Variants in BTAF1 observed in about 807,000 individuals in gnomAD.
BTAF1 encodes the protein TATA-binding protein-associated factor 172.
BTAF1 carries 38 observed loss-of-function variants against 227.1 expected under a neutral mutation model. That is an observed-to-expected ratio of 0.17 (90% CI 0.13 to 0.22). The LOEUF (loss-of-function observed/expected upper bound fraction) is 0.22. Ranked by LOEUF, BTAF1 falls within the 10% of genes least tolerant of loss-of-function variation. The probability of loss-of-function intolerance (pLI) is 1.00; values close to 1 mark genes in which losing one functional copy is unlikely to be tolerated. For missense variants in BTAF1, 1,598 were observed against 2,204.0 expected, an observed-to-expected ratio of 0.73 and a Z score of 5.51; for synonymous variants, 742 against 751.9, an observed-to-expected ratio of 0.99 and a Z score of 0.21.
intron 13 of BTAF1, among the ~76,000 whole-genome samples, chr10:91,965,562 T>G (rs1846844385): frequency 6.6e-6 from 1 of 152,236 alleles, no homozygotes; most frequent in Non-Finnish European, 1.5e-5. Context: ...AAAATTCTAT[T>G]AATTCAATGT....
rs762576006 is a variant in BTAF1, at chr10:91,928,977, A to AT, written c.14+4895dup. ...AGATGCATACCACCATGCCTGGCTA[A>AT]TTTTTTTTGTATATTTTGTAGAAGT... On this transcript the variant is annotated intron_variant, in intron 1 of 37. Coordinates refer to ENST00000265990, the MANE Select transcript of BTAF1 (RefSeq NM_003972.3). Among the ~76,000 whole-genome samples the AT allele has an allele frequency of 7.2e-4, 109 of 151,842 alleles. 1 individual carries two copies. Among genetic ancestry groups the AT allele is most frequent in the Non-Finnish European group, 9.7e-4 (66 of 67,918 alleles).
In BTAF1 at chr10:92,029,963, A is replaced by G. The variant is rs1341881519; in HGVS notation, c.*1030A>G. ...GCAATAATAATTGGGCATGAGGCTG[A>G]TTACTCAATGGTGAGGGTAGGTATA... On this transcript the variant is annotated 3_prime_UTR_variant, in exon 38 of 38. Coordinates refer to ENST00000265990, the MANE Select transcript of BTAF1 (RefSeq NM_003972.3). 6.6e-6 allele frequency: 1 copy of G among 152,562 alleles called. No homozygotes were observed. Among genetic ancestry groups the G allele is most frequent in the Non-Finnish European group, 1.5e-5 (1 of 67,964 alleles). 9.5% of individuals were successfully genotyped at this position (152,562 alleles called of 1,614,324 possible). A position where few individuals can be genotyped will look rare whatever the true frequency, so the allele number is the denominator to read the frequency against.
chr10:91,995,473 A>C (rs1336983495), intron 23 of BTAF1, among the ~76,000 whole-genome samples: 1 of 151,834 alleles, frequency 6.6e-6, no homozygotes, highest in East Asian at 1.9e-4. Flanking sequence ...TCAGGAGTTC[A>C]AGACCAGCCT....
chr10:91,969,199 T>G (rs1847125521), intron 14 of BTAF1, among the ~76,000 whole-genome samples: 1 of 152,060 alleles, frequency 6.6e-6, no homozygotes, highest in African/African-American at 2.4e-5. Flanking sequence ...GCCCTTTTAT[T>G]CCTTATTAGG....
At chr10:91,962,492 A>G (rs781035844) in intron 11 of BTAF1, 46 bp from the exon 12 acceptor site, 2 of 1,359,840 alleles carry the variant, frequency 1.5e-6, no homozygotes, top group Non-Finnish European at 2.0e-6. Flanking sequence ...TAAGCACAGT[A>G]ACTGTAGAAT....
Position 91,982,593 on chromosome 10 carries a change from A to G in BTAF1, c.2055A>G (p.Leu685=), listed in dbSNP as rs761201923. The G allele has an allele frequency of 6.2e-7, 1 of 1,612,644 alleles. No individual in the cohort carries two copies. The highest frequency in any genetic ancestry group is 8.5e-7 in the Non-Finnish European group (1 of 1,179,366). ...TCCTTTTTCTCCCTCTTAGGTTGTT[A>G]GGAGCACTTTGTTGCTGTATTTGTG... The part of the protein sequence containing the change: ...MRARMMAAKL[L]GALCCCICDP... Residue 685 remains leucine (L), a synonymous_variant, in exon 18 of 38, where the codon TTA becomes TTG. Coordinates refer to ENST00000265990, the MANE Select transcript of BTAF1 (RefSeq NM_003972.3).
At chr10:91,955,852 T>A (rs1365274313) in intron 6 of BTAF1, among the ~76,000 whole-genome samples, 1 of 151,932 alleles carries the variant, frequency 6.6e-6, no homozygotes, top group Non-Finnish European at 1.5e-5. Context: ...ATAGAAAAAA[T>A]GGTTGGCCAA....
chr10:91,962,056 T>G (rs774564049), intron 11 of BTAF1, among the ~76,000 whole-genome samples: 2 of 152,242 alleles, frequency 1.3e-5, no homozygotes, highest in Non-Finnish European at 2.9e-5. Flanking sequence ...TTACTTAGGC[T>G]TCTATTGATG....
At chr10:91,944,207 T>C (rs1338031858) in intron 4 of BTAF1, among the ~76,000 whole-genome samples, 2 of 151,820 alleles carry the variant, frequency 1.3e-5, no homozygotes, top group Non-Finnish European at 2.9e-5. Context: ...GTAACCAGGA[T>C]TGGGAACTGC....
intron 21 of BTAF1, 45 bp downstream of exon 21, chr10:91,992,354 A>C (rs1225166259): frequency 6.8e-7 from 1 of 1,477,642 alleles, no homozygotes; most frequent in Admixed American, 2.2e-5. Context: ...TTTTAAACAA[A>C]TATCTGACTT....
At chr10:91,982,527 G>C in intron 17 of BTAF1, 60 bp from the exon 18 acceptor site, 1 of 1,515,742 alleles carries the variant, frequency 6.6e-7, no homozygotes. Flanking sequence ...ATTTCCCGAA[G>C]TATGGGGAAA....
intron 37 of BTAF1, 89 bp from the exon 38 acceptor site, chr10:92,028,701 T>C (rs1197526019): frequency 7.8e-7 from 1 of 1,280,728 alleles, no homozygotes; most frequent in African/African-American, 1.5e-5. Flanking sequence ...AATAATTGTA[T>C]TAGAAACAAG....
In BTAF1 at chr10:91,964,213, T is replaced by C. The variant is rs1358363712; in HGVS notation, c.1529+12T>C. 1 of 1,609,222 alleles carries C rather than the reference T, an allele frequency of 6.2e-7. No individual in the cohort carries two copies. The highest frequency in any genetic ancestry group is 1.3e-5 in the African/African-American group (1 of 74,700). On this transcript the variant is annotated intron_variant, in intron 13 of 37. Transcript: ENST00000265990. ...GTCCAACAATGCAGGTAATTATTTCTAATTAGTGGAATAAAGTAAAAAGTC... is the reference window on the plus strand; with the variant it reads ...GTCCAACAATGCAGGTAATTATTTCCAATTAGTGGAATAAAGTAAAAAGTC...
chr10:91,938,830 A>G (rs1844803066), intron 2 of BTAF1, among the ~76,000 whole-genome samples: 1 of 152,186 alleles, frequency 6.6e-6, no homozygotes, highest in Admixed American at 6.6e-5. Context: ...ACTGCATTTC[A>G]GTCTGGGTAA....
Position 92,029,777 on chromosome 10 carries a change from G to C in BTAF1, c.*844G>C, listed in dbSNP as rs1851774363. The C allele has an allele frequency of 6.6e-6, 1 of 152,310 alleles. No homozygotes were observed. The highest frequency in any genetic ancestry group is 2.4e-5 in the African/African-American group (1 of 41,434). The allele number at this position is 152,310 out of a possible 1,614,324, so 9.4% of individuals were successfully genotyped here. ...TTCCAACACCTACAGTGGAAAGACT[G>C]TTTATTGTAGTAATGCATGGCTGAA... On this transcript the variant is annotated 3_prime_UTR_variant, in exon 38 of 38. Transcript: ENST00000265990.
At chr10:92,004,946 G>GT (rs1167481586) in intron 25 of BTAF1, among the ~76,000 whole-genome samples, 19 of 152,170 alleles carry the variant, frequency 1.2e-4, no homozygotes, top group Admixed American at 5.2e-4. Context: ...CAAAGGTCCA[G>GT]TTTCATTCTT....
intron 14 of BTAF1, among the ~76,000 whole-genome samples, chr10:91,968,590 G>T (rs548044082): frequency 6.6e-6 from 1 of 152,300 alleles, no homozygotes; most frequent in Admixed American, 6.5e-5. Context: ...TATGGTAAGG[G>T]TATGTTGACT....
At chr10:91,950,825 G>C (rs1357208170) in intron 4 of BTAF1, among the ~76,000 whole-genome samples, 1 of 140,446 alleles carries the variant, frequency 7.1e-6, no homozygotes, top group African/African-American at 2.7e-5. Context: ...TGTTTCCATA[G>C]AGATGTATTT....
At chr10:92,028,289 G>A (rs2134194910) in intron 37 of BTAF1, among the ~76,000 whole-genome samples, 2 of 152,296 alleles carry the variant, frequency 1.3e-5, no homozygotes, top group South Asian at 4.1e-4. Flanking sequence ...GCCATAAAAG[G>A]CACTATTTAG....
Sources: allele counts gnomAD v4.1 joint callset (sites outside exome capture counted in the v4.1 genomes callset), GRCh38; gene constraint gnomAD v4.1.1; transcripts MANE v1.5; gene names NCBI Gene and HGNC (gene_info 2026-07-23, HGNC 2026-07-21).